Variants in RAB11FIP1 observed in about 807,000 individuals in gnomAD.
RAB11FIP1 encodes the protein rab11 family-interacting protein 1.
RAB11FIP1 carries 49 observed loss-of-function variants against 83.1 expected under a neutral mutation model. The observed-to-expected ratio is 0.59, with a 90% CI of 0.47 to 0.75. The LOEUF is 0.75. Ranked by LOEUF, RAB11FIP1 falls within the 30% of genes least tolerant of loss-of-function variation. The pLI is 0.00. For missense variants in RAB11FIP1, 1,536 were observed against 1,598.7 expected (o/e 0.96, Z 0.67); for synonymous variants, 670 against 656.0 (o/e 1.02, Z -0.33).
chr8:37,891,787 T>C (rs1475916222), intron 1 of RAB11FIP1, among the ~76,000 whole-genome samples: 1 of 152,216 alleles, frequency 6.6e-6, no homozygotes, highest in African/African-American at 2.4e-5. Flanking sequence ...ATATATTATG[T>C]TCTCCTTTTC....
At position 37,875,156 on chromosome 8, in the gene RAB11FIP1, C is replaced by T; in HGVS notation, c.981G>A (p.Glu327=). The T allele has an allele frequency of 6.2e-7, 1 of 1,614,124 alleles. No homozygotes were observed. Among genetic ancestry groups the T allele is most frequent in the Non-Finnish European group, 8.5e-7 (1 of 1,180,010 alleles). Residue 327 remains glutamate (E), a synonymous_variant, in exon 3 of 6, where the codon GAG becomes GAA. Transcript: ENST00000330843. ...VCINGNHVYL[E]QPEAKGEIKD... Reference sequence around the variant, plus strand: ...TGATCTCACCCTTGGCTTCTGGCTGCTCCAGGTAAACATGGTTCCCATTGA... The same window carrying T: ...TGATCTCACCCTTGGCTTCTGGCTGTTCCAGGTAAACATGGTTCCCATTGA...
intron 1 of RAB11FIP1, among the ~76,000 whole-genome samples, chr8:37,879,165 G>A (rs975875682): frequency 3.3e-5 from 5 of 151,996 alleles, no homozygotes; most frequent in South Asian, 2.1e-4. Context: ...AAAATTAGCC[G>A]GGCATCATGG....
rs79124779 is a variant in RAB11FIP1 at position 37,871,791 on chromosome 8, A to G, written c.3011T>C (p.Val1004Ala). 3.9e-3 allele frequency: 6,293 copies of G among 1,614,096 alleles called. 184 individuals are homozygous for G. In the African/African-American group the frequency reaches 0.066, roughly 17 times the overall value. ...CTTTCCCCTCTCAGGACAGGGGACT[A>G]CCAAGCCCAAGGACAAAGCTCCTAT... ...LDIGALSLGL[V>A]VPCPERGKGP... Residue 1004 changes from valine (V) to alanine (A), a missense_variant, in exon 4 of 6, where the codon GTA becomes GCA. Coordinates refer to ENST00000330843, the MANE Select transcript of RAB11FIP1 (RefSeq NM_001002814.3).
At chr8:37,898,883 G>C (rs1000196590) in intron 1 of RAB11FIP1, among the ~76,000 whole-genome samples, 188 bp downstream of exon 1, 1 of 151,740 alleles carries the variant, frequency 6.6e-6, no homozygotes, top group Non-Finnish European at 1.5e-5. Context: ...CCCAAAGCTG[G>C]CAGAGCTGGG....
intron 5 of RAB11FIP1, among the ~76,000 whole-genome samples, chr8:37,866,916 T>C (rs922282241): frequency 1.3e-5 from 2 of 151,530 alleles, no homozygotes; most frequent in Non-Finnish European, 2.9e-5. Flanking sequence ...AACCAAGAGA[T>C]GTGTTGCAGG....
rs762368055 is a variant in RAB11FIP1 at position 37,872,436 on chromosome 8, C to G, written c.2366G>C (p.Arg789Pro). The change falls in exon 4 of 6, where the codon CGG becomes CCG. Residue 789 changes from arginine to proline, a missense_variant. Coordinates refer to ENST00000330843, the MANE Select transcript of RAB11FIP1 (RefSeq NM_001002814.3). ...ASVPSIDSMM[R>P]KLEEMGLNLR... ...GTTCAGACCCATCTCTTCCAGCTTCCGCATCATGGAATCAATGGAAGGGAC... is the reference window on the plus strand; with the variant it reads ...GTTCAGACCCATCTCTTCCAGCTTCGGCATCATGGAATCAATGGAAGGGAC... 2 of 1,613,996 alleles carry G rather than the reference C, an allele frequency of 1.2e-6. No individual in the cohort carries two copies. Among genetic ancestry groups the G allele is most frequent in the African/African-American group, 1.3e-5 (1 of 74,882 alleles).
At chr8:37,884,345 G>A (rs905487362) in intron 1 of RAB11FIP1, among the ~76,000 whole-genome samples, 1 of 151,984 alleles carries the variant, frequency 6.6e-6, no homozygotes, top group African/African-American at 2.4e-5. Flanking sequence ...ATACAGGCGT[G>A]AGCTACCACA....
At chr8:37,888,168 G>A (rs866722663) in intron 1 of RAB11FIP1, among the ~76,000 whole-genome samples, 5 of 152,112 alleles carry the variant, frequency 3.3e-5, no homozygotes, top group South Asian at 2.1e-4. Context: ...GTGCAGTGGC[G>A]CAATCACAGC....
intron 1 of RAB11FIP1, among the ~76,000 whole-genome samples, chr8:37,887,386 C>T (rs1044079925): frequency 6.6e-6 from 1 of 151,978 alleles, no homozygotes; most frequent in African/African-American, 2.4e-5. Flanking sequence ...CAAAAATGAG[C>T]CGGGTGTGGT....
chr8:37,897,675 G>A, intron 1 of RAB11FIP1, among the ~76,000 whole-genome samples: 1 of 152,100 alleles, frequency 6.6e-6, no homozygotes, highest in South Asian at 2.1e-4. Flanking sequence ...GGACCAGAGA[G>A]AAGAACTCTA....
In RAB11FIP1 at chr8:37,874,574, A is replaced by C; in HGVS notation, c.1563T>G (p.Ser521=). The change falls in exon 3 of 6, where the codon TCT becomes TCG. Residue 521 remains serine, a synonymous_variant. Transcript: ENST00000330843. ...GAGAGGAAATTGGAGGTCTCGGTTC[A>C]GACTTGGACTCTGGCTCAGCTTCTG... The part of the protein sequence containing the change: ...TEPEAEPESK[S]EPRPPISSPR... 2.5e-6 allele frequency: 4 copies of C among 1,614,212 alleles called. No individual in the cohort carries two copies. The highest frequency in any genetic ancestry group is 2.2e-5 in the South Asian group (2 of 91,084).
In RAB11FIP1 at chr8:37,877,315, T is replaced by A; in HGVS notation, c.608A>T (p.Asp203Val). The change falls in exon 2 of 6, where the codon GAT becomes GTT. Residue 203 changes from aspartate (D) to valine (V), a missense_variant. By Grantham distance (152) the Asp-to-Val change is radical. Transcript: ENST00000330843. ...CTTGTCTTTAACCACAGACTCATCATCACTGTCGACCGAAGGTGTCGTGCT... is the reference window on the plus strand; with the variant it reads ...CTTGTCTTTAACCACAGACTCATCAACACTGTCGACCGAAGGTGTCGTGCT... ...IPSTTPSVDS[D>V]DESVVKDKKK... 3 of 1,614,196 alleles carry A rather than the reference T, an allele frequency of 1.9e-6. No individual in the cohort carries two copies. Among genetic ancestry groups the A allele is most frequent in the Non-Finnish European group, 2.5e-6 (3 of 1,180,016 alleles).
chr8:37,890,139 T>C (rs899742330), intron 1 of RAB11FIP1, among the ~76,000 whole-genome samples: 14 of 152,208 alleles, frequency 9.2e-5, no homozygotes, highest in African/African-American at 2.9e-4. Context: ...AAAAGTTCTA[T>C]TTTGGTGAAC....
At position 37,874,893 on chromosome 8, in the gene RAB11FIP1, G is replaced by A. The variant is rs1806572547; in HGVS notation, c.1244C>T (p.Ala415Val). The A allele has an allele frequency of 1.2e-6, 2 of 1,614,048 alleles. No homozygotes were observed. The highest frequency in any genetic ancestry group is 1.7e-6 in the Non-Finnish European group (2 of 1,180,026). Residue 415 changes from alanine (A) to valine (V), a missense_variant, in exon 3 of 6, where the codon GCA (alanine) becomes GTA (valine). By Grantham distance (64) the Ala-to-Val change is moderately conservative (BLOSUM62 0). Transcript: ENST00000330843. ...SGDLRENMAPANSEATKEAKE... is the reference protein window; with the variant it reads ...SGDLRENMAPVNSEATKEAKE... ...AGCTTCTTTTGTGGCCTCTGAGTTT[G>A]CGGGGGCCATGTTTTCCCTGAGGTC...
At position 37,861,710 on chromosome 8, in the gene RAB11FIP1, T is replaced by C. The variant is rs1806236021; in HGVS notation, c.*1185A>G. ...TTCAAGCAATTCTCCTGCCCCAGCC[T>C]CCCGAGTAGCTGGGATTACAGGCAC... On this transcript the variant is annotated 3_prime_UTR_variant, in exon 6 of 6. Transcript: ENST00000330843. 2.6e-6 allele frequency: 1 copy of C among 382,012 alleles called. No individual in the cohort carries two copies. Among genetic ancestry groups the C allele is most frequent in the African/African-American group, 2.2e-5 (1 of 46,482 alleles). 23.7% of individuals were successfully genotyped at this position (382,012 alleles called of 1,614,324 possible).
chr8:37,870,474 G>T lies in RAB11FIP1; in HGVS notation c.3579C>A (p.Ser1193Arg). The T allele has an allele frequency of 6.2e-7, 1 of 1,611,638 alleles. No homozygotes were observed. The highest frequency in any genetic ancestry group is 8.5e-7 in the Non-Finnish European group (1 of 1,177,982). The change falls in exon 5 of 6, where the codon AGC (serine) becomes AGA (arginine). Residue 1193 changes from serine (S) to arginine (R), a missense_variant. Transcript: ENST00000330843. ...NAMATKVANC[S>R]LGTATIISEN... ...CACTGATGATGGTGGCAGTTCCCAA[G>T]CTGCAGTTAGCAACCTTGGTGGCCA...
At chr8:37,891,706 C>CA (rs1179290550) in intron 1 of RAB11FIP1, among the ~76,000 whole-genome samples, 1 of 151,996 alleles carries the variant, frequency 6.6e-6, no homozygotes, top group Non-Finnish European at 1.5e-5. Flanking sequence ...GTTCGTAATG[C>CA]AAAAAACATT....
intron 4 of RAB11FIP1, 196 bp from the exon 5 acceptor site, chr8:37,870,724 A>C (rs757282423): frequency 8.0e-6 from 4 of 500,132 alleles, no homozygotes; most frequent in African/African-American, 5.9e-5. Flanking sequence ...TGCCACATGC[A>C]AGCCAGGAAA....
chr8:37,873,928 C>T (rs1331451827), intron 3 of RAB11FIP1, among the ~76,000 whole-genome samples: 1 of 151,714 alleles, frequency 6.6e-6, no homozygotes, highest in Non-Finnish European at 1.5e-5. Flanking sequence ...AAAAAAAAAT[C>T]TCACTCCCCA....
Sources: allele counts gnomAD v4.1 joint callset (sites outside exome capture counted in the v4.1 genomes callset), GRCh38; gene constraint gnomAD v4.1.1; transcripts MANE v1.5; gene names NCBI Gene and HGNC (gene_info 2026-07-23, HGNC 2026-07-21).